The following RAP1GDS1 variants were observed in gnomAD, a reference collection of about 807,000 sequenced individuals.
RAP1GDS1 encodes the protein RAP1, GTP-GDP dissociation stimulator 1.
In RAP1GDS1, 35 loss-of-function variants were observed where a neutral mutation model predicts 71.1. That is an observed-to-expected ratio of 0.49 (90% CI 0.38 to 0.65). RAP1GDS1 has a LOEUF of 0.65. Among genes scored for constraint, RAP1GDS1 ranks in the 30% least tolerant of loss-of-function variants. RAP1GDS1 has a pLI of 0.00. For synonymous variants in RAP1GDS1, 229 were observed against 243.1 expected, an observed-to-expected ratio of 0.94 and a Z score of 0.54; for missense variants, 663 against 706.1, an observed-to-expected ratio of 0.94 and a Z score of 0.69.
chr4:98,312,730 GAT>G (rs199836923), intron 2 of RAP1GDS1, among the ~76,000 whole-genome samples: 2 of 150,942 alleles, frequency 1.3e-5, no homozygotes, highest in Non-Finnish European at 1.5e-5. Context: ...TAGATGTATA[GAT>G]ATATATATAT....
chr4:98,360,496 GT>G (rs571493956), intron 4 of RAP1GDS1, among the ~76,000 whole-genome samples: 10 of 152,126 alleles, frequency 6.6e-5, no homozygotes, highest in African/African-American at 1.7e-4. Context: ...GTCTAAATCT[GT>G]TTTTTCCCCT....
At chr4:98,310,422 T>G (rs993895103) in intron 2 of RAP1GDS1, among the ~76,000 whole-genome samples, 7 of 152,134 alleles carry the variant, frequency 4.6e-5, no homozygotes, top group African/African-American at 1.4e-4. Flanking sequence ...TTTACTGACC[T>G]TAAAGTAAAA....
intron 2 of RAP1GDS1, among the ~76,000 whole-genome samples, chr4:98,294,567 T>C (rs900730457): frequency 1.6e-4 from 25 of 152,028 alleles, no homozygotes; most frequent in African/African-American, 5.3e-4. Flanking sequence ...AGGCTCAAAA[T>C]GGTAAAGAAA....
At chr4:98,393,484 A>G (rs1744041611) in intron 6 of RAP1GDS1, among the ~76,000 whole-genome samples, 1 of 152,210 alleles carries the variant, frequency 6.6e-6, no homozygotes, top group South Asian at 2.1e-4. Context: ...TTAAAATGGA[A>G]TGTAGGAGTT....
At chr4:98,318,442 C>A (rs1016732030) in intron 2 of RAP1GDS1, among the ~76,000 whole-genome samples, 1 of 152,084 alleles carries the variant, frequency 6.6e-6, no homozygotes, top group Non-Finnish European at 1.5e-5. Flanking sequence ...ATTATTAGAA[C>A]AATATACTGT....
rs758456732 is a variant in RAP1GDS1, at chr4:98,261,526, T to TTCGCC, written c.-34_-30dup. 5 of 1,589,868 alleles carry TTCGCC rather than the reference T, an allele frequency of 3.1e-6. No individual in the cohort carries two copies. Among genetic ancestry groups the TTCGCC allele is most frequent in the Non-Finnish European group, 3.4e-6 (4 of 1,166,370 alleles). On this transcript the variant is annotated 5_prime_UTR_variant, in exon 1 of 15. Transcript: ENST00000408927. ...AGCCGCGCCGCCCGCACCACAGACC[T>TTCGCC]TCGCCTCGCCCCGCCGGTTCCTCAC...
chr4:98,316,827 A>C (rs1731014480), intron 2 of RAP1GDS1, among the ~76,000 whole-genome samples: 1 of 152,176 alleles, frequency 6.6e-6, no homozygotes, highest in African/African-American at 2.4e-5. Context: ...GCTAAAAGTG[A>C]AAGATAGGAG....
At chr4:98,332,001 A>G (rs1377135722) in intron 2 of RAP1GDS1, among the ~76,000 whole-genome samples, 1 of 152,222 alleles carries the variant, frequency 6.6e-6, no homozygotes, top group Non-Finnish European at 1.5e-5. Context: ...TCCCCAACCA[A>G]TCAAAAATCT....
intron 2 of RAP1GDS1, among the ~76,000 whole-genome samples, chr4:98,320,021 TAATG>T (rs1167426890): frequency 2.0e-5 from 3 of 152,278 alleles, no homozygotes; most frequent in Middle Eastern, 3.4e-3. Context: ...CACTTCCACT[TAATG>T]AATAGTAAAA....
chr4:98,423,487 G>A (rs1749166265), intron 12 of RAP1GDS1, among the ~76,000 whole-genome samples: 1 of 152,158 alleles, frequency 6.6e-6, no homozygotes, highest in Admixed American at 6.5e-5. Flanking sequence ...AGGGTTTTAA[G>A]CAGCAAGTTG....
chr4:98,422,593 A>G (rs1470368694), intron 12 of RAP1GDS1, among the ~76,000 whole-genome samples: 3 of 152,212 alleles, frequency 2.0e-5, no homozygotes, highest in Non-Finnish European at 4.4e-5. Context: ...ATGAGGAGAA[A>G]GTTTAGAACT....
chr4:98,360,944 C>T (rs1184414643), intron 4 of RAP1GDS1, among the ~76,000 whole-genome samples: 2 of 151,766 alleles, frequency 1.3e-5, no homozygotes, highest in African/African-American at 4.8e-5. Flanking sequence ...CAAAACTAGC[C>T]AGGCATGGTG....
At chr4:98,302,852 C>T (rs990020982) in intron 2 of RAP1GDS1, among the ~76,000 whole-genome samples, 2 of 152,150 alleles carry the variant, frequency 1.3e-5, no homozygotes, top group Admixed American at 6.5e-5. Context: ...TGGAGACCAG[C>T]CTGGCCAATA....
intron 2 of RAP1GDS1, among the ~76,000 whole-genome samples, chr4:98,325,829 G>C (rs1194698927): frequency 6.7e-6 from 1 of 149,480 alleles, no homozygotes; most frequent in Non-Finnish European, 1.5e-5. Flanking sequence ...GCTAGATGAC[G>C]AGTTAGTGGG....
intron 2 of RAP1GDS1, among the ~76,000 whole-genome samples, chr4:98,335,754 C>T (rs1477111804): frequency 6.7e-6 from 1 of 150,006 alleles, no homozygotes; most frequent in Non-Finnish European, 1.5e-5. Flanking sequence ...TTTCCTTTGG[C>T]CAAGATTAAT....
intron 6 of RAP1GDS1, chr4:98,396,848 A>G (rs1215260253): frequency 6.6e-6 from 1 of 152,234 alleles, no homozygotes; most frequent in East Asian, 1.9e-4. Flanking sequence ...AATATGACAT[A>G]TTACTAAATG....
intron 2 of RAP1GDS1, among the ~76,000 whole-genome samples, chr4:98,337,188 C>A (rs1734827837): frequency 6.6e-6 from 1 of 152,182 alleles, no homozygotes; most frequent in Non-Finnish European, 1.5e-5. Flanking sequence ...AGCCACTGCA[C>A]CCGTCCTTCA....
intron 14 of RAP1GDS1, among the ~76,000 whole-genome samples, chr4:98,437,466 T>C (rs1751293513): frequency 6.6e-6 from 1 of 152,088 alleles, no homozygotes; most frequent in African/African-American, 2.4e-5. Flanking sequence ...CAGGCACAGG[T>C]TCTGATTTTG....
At chr4:98,426,708 C>T (rs1749664924) in intron 12 of RAP1GDS1, among the ~76,000 whole-genome samples, 2 of 151,778 alleles carry the variant, frequency 1.3e-5, no homozygotes, top group African/African-American at 2.4e-5. Context: ...AACAAGCAAC[C>T]AGATTGAAAT....
Sources: allele counts gnomAD v4.1 joint callset (sites outside exome capture counted in the v4.1 genomes callset), GRCh38; gene constraint gnomAD v4.1.1; transcripts MANE v1.5; gene names NCBI Gene and HGNC (gene_info 2026-07-23, HGNC 2026-07-21).